Variants in MBD6 observed in about 807,000 individuals in gnomAD.
The protein encoded by MBD6 is methyl-CpG-binding domain protein 6.
In MBD6, 22 loss-of-function variants were observed where a neutral mutation model predicts 66.8. That is an observed-to-expected ratio of 0.33 (90% CI 0.24 to 0.47). MBD6 has a LOEUF of 0.47. Among genes scored for constraint, MBD6 ranks in the 20% least tolerant of loss-of-function variants. MBD6 has a pLI of 1.00. For synonymous variants in MBD6, 540 were observed against 534.6 expected, an observed-to-expected ratio of 1.01 and a Z score of -0.14; for missense variants, 1,322 against 1,286.9, an observed-to-expected ratio of 1.03 and a Z score of -0.42.
Position 57,529,182 on chromosome 12 carries a change from G to T in MBD6, c.2960G>T (p.Arg987Leu), listed in dbSNP as rs368292540. 1 of 1,613,986 alleles carries T rather than the reference G, an allele frequency of 6.2e-7. No homozygotes were observed. The highest frequency in any genetic ancestry group is 1.7e-5 in the Admixed American group (1 of 60,000). Reference protein sequence around the residue: ...TARAAVPLPPRARPGRPAKNK... With the variant: ...TARAAVPLPPLARPGRPAKNK... ...TAGGCAGCTGTCCCTCTGCCTCCCC[G>T]GGCCCGCCCTGGCCGTCCTGCCAAA... is the stretch of plus-strand genomic sequence containing the variant. The change falls in exon 13 of 13, where the codon CGG (arginine) becomes CTG (leucine). Residue 987 changes from arginine to leucine, a missense_variant. Physicochemically the swap from Arg to Leu is moderately radical, Grantham distance 102 (BLOSUM62 -2). Transcript: ENST00000355673.
chr12:57,531,114 T>G (rs1306159632), downstream of MBD6, among the ~76,000 whole-genome samples: 1 of 152,214 alleles, frequency 6.6e-6, no homozygotes, highest in African/African-American at 2.4e-5. Flanking sequence ...AGGAAAAGGA[T>G]ATTATTCTAA....
At chr12:57,529,136 T>C (rs1202760076) in intron 12 of MBD6, 24 bp from the exon 13 acceptor site, 1 of 1,614,012 alleles carries the variant, frequency 6.2e-7, no homozygotes. Context: ...TGACCACTTC[T>C]ATCAACTTCC....
At chr12:57,521,550 A>C (rs1025007516), upstream of MBD6, 7 of 152,218 alleles carry the variant, frequency 4.6e-5, no homozygotes, top group African/African-American at 1.7e-4. Flanking sequence ...GGGCCGAGGT[A>C]CTGGAATCCC....
chr12:57,529,348 A>C lies in MBD6; in HGVS notation c.*114A>C. The C allele has an allele frequency of 1.0e-6, 1 of 976,352 alleles. No homozygotes were observed. 60.5% of individuals were successfully genotyped at this position (976,352 alleles called of 1,614,324 possible). ...ACAGTGGGTGGGGGCACTACTCCCC[A>C]CTCAGAGCACAAATGCAACTCCTTC... On this transcript the variant is annotated 3_prime_UTR_variant, in exon 13 of 13. Coordinates refer to ENST00000355673, the MANE Select transcript of MBD6 (RefSeq NM_052897.4).
At chr12:57,530,718 C>T (rs751177004), downstream of MBD6, 1 of 1,613,984 alleles carries the variant, frequency 6.2e-7, no homozygotes, top group South Asian at 1.1e-5. Context: ...ATCCGTTCAT[C>T]AATGCTGGCA....
chr12:57,527,979 G>A lies in MBD6; in HGVS notation c.2368G>A (p.Ala790Thr), dbSNP rs144856634. ...GGGAGCTCCTCCACCCCTCTCAGAGGCTTCTAGTCCCCTAGCCTGCCTGCT... is the reference window on the plus strand; with the variant it reads ...GGGAGCTCCTCCACCCCTCTCAGAGACTTCTAGTCCCCTAGCCTGCCTGCT... ...GGGAPPPLSEASSPLACLLQS... is the reference protein window; with the variant it reads ...GGGAPPPLSETSSPLACLLQS... The change falls in exon 9 of 13, where the codon GCT becomes ACT. Residue 790 changes from alanine to threonine, a missense_variant. Coordinates refer to ENST00000355673, the MANE Select transcript of MBD6 (RefSeq NM_052897.4). 8.9e-6 allele frequency: 14 copies of A among 1,569,412 alleles called. No individual in the cohort carries two copies. The highest frequency in any genetic ancestry group is 5.9e-5 in the South Asian group (5 of 84,100).
upstream of MBD6, chr12:57,520,727 G>C (rs1488316646): frequency 9.9e-6 from 3 of 303,216 alleles, no homozygotes; most frequent in East Asian, 1.5e-4. Flanking sequence ...TTTGGGTCAC[G>C]AGGCTTCACG....
chr12:57,527,996 C>G lies in MBD6; in HGVS notation c.2385C>G (p.Ala795=), dbSNP rs780447457. 1.3e-6 allele frequency: 2 copies of G among 1,547,258 alleles called. No homozygotes were observed. Among genetic ancestry groups the G allele is most frequent in the Non-Finnish European group, 1.7e-6 (2 of 1,151,756 alleles). Reference sequence around the variant, plus strand: ...TCTCAGAGGCTTCTAGTCCCCTAGCCTGCCTGCTACAGAGTCTCCAGGTGA... The same window carrying G: ...TCTCAGAGGCTTCTAGTCCCCTAGCGTGCCTGCTACAGAGTCTCCAGGTGA... The part of the protein sequence containing the change: ...PPLSEASSPL[A]CLLQSLQIPP... The change falls in exon 9 of 13, where the codon GCC becomes GCG. Residue 795 remains alanine, a synonymous_variant. Coordinates refer to ENST00000355673, the MANE Select transcript of MBD6 (RefSeq NM_052897.4).
In MBD6 at chr12:57,525,196, G is replaced by A. The variant is rs183325579; in HGVS notation, c.379+81G>A. The A allele has an allele frequency of 1.7e-5, 26 of 1,544,370 alleles. No homozygotes were observed. In the African/African-American group the frequency reaches 2.8e-4, roughly 16 times the overall value. On this transcript the variant is annotated intron_variant, in intron 5 of 12. Coordinates refer to ENST00000355673, the MANE Select transcript of MBD6 (RefSeq NM_052897.4). ...TGGTGGTGGGAGGAGTTCCTTGAGA[G>A]GGAGCAAAGAGAAAGGGGAGTGGGT...
At position 57,528,385 on chromosome 12, in the gene MBD6, G is replaced by A. The variant is rs578198861; in HGVS notation, c.2645G>A (p.Ser882Asn). Reference protein sequence around the residue: ...ARPARGRKPGSRREPGRLALK... With the variant: ...ARPARGRKPGNRREPGRLALK... ...CCAGCCCGGGGCCGAAAGCCTGGCA[G>A]CCGGCGGGAGCCTGGCCGACTGGCC... Residue 882 changes from serine to asparagine, a missense_variant, in exon 10 of 13, where the codon AGC becomes AAC. Physicochemically the swap from Ser to Asn is conservative, Grantham distance 46. Coordinates refer to ENST00000355673, the MANE Select transcript of MBD6 (RefSeq NM_052897.4). 6.2e-7 allele frequency: 1 copy of A among 1,612,836 alleles called. No individual in the cohort carries two copies. The highest frequency in any genetic ancestry group is 2.2e-5 in the East Asian group (1 of 44,880).
rs202229102 is a variant in MBD6 at position 57,528,131 on chromosome 12, A to AT, written c.2407-9dup. ...GGTATTTGAGATTGACTGAGAACTTATTTTTTTGCCAGCAGATCCCTCCAG... is the reference window on the plus strand; with the variant it reads ...GGTATTTGAGATTGACTGAGAACTTATTTTTTTTGCCAGCAGATCCCTCCAG... On this transcript the variant is annotated splice_polypyrimidine_tract_variant and intron_variant, in intron 9 of 12. Coordinates refer to ENST00000355673, the MANE Select transcript of MBD6 (RefSeq NM_052897.4). 9.4e-4 allele frequency: 1,478 copies of AT among 1,570,964 alleles called. 15 individuals are homozygous for AT. In the African/African-American group the frequency reaches 0.018, roughly 19 times the overall value.
At chr12:57,527,712 A>G (rs1265054491) in intron 8 of MBD6, 52 bp downstream of exon 8, 3 of 1,557,262 alleles carry the variant, frequency 1.9e-6, no homozygotes, top group South Asian at 1.2e-5. Flanking sequence ...AAGCAGGAGT[A>G]AAACTTGGGA....
rs762575162 is a variant in MBD6, at chr12:57,525,740, C to T, written c.772C>T (p.Pro258Ser). 3.2e-5 allele frequency: 51 copies of T among 1,613,876 alleles called. No homozygotes were observed. The highest frequency in any genetic ancestry group is 2.2e-4 in the Admixed American group (13 of 59,992). ...TGCCTCCTCCTCACCACCTTCAGAC[C>T]CTCCTCTCTTCCACTGTAGTGATGC... ...PHASSSPPSD[P>S]PLFHCSDALT... The change falls in exon 6 of 13, where the codon CCT becomes TCT. Residue 258 changes from proline (P) to serine (S), a missense_variant. By Grantham distance (74) the Pro-to-Ser change is moderately conservative. Transcript: ENST00000355673.
intron 7 of MBD6, 82 bp from the exon 8 acceptor site, chr12:57,527,425 A>G: frequency 6.6e-7 from 1 of 1,511,368 alleles, no homozygotes; most frequent in South Asian, 1.1e-5. Context: ...TTGAGGCTTC[A>G]GTCAGATAGT....
rs764642015 is a variant in MBD6 at position 57,525,733 on chromosome 12, T to C, written c.765T>C (p.Pro255=). The change falls in exon 6 of 13, where the codon CCT becomes CCC. Residue 255 remains proline, a synonymous_variant. Coordinates refer to ENST00000355673, the MANE Select transcript of MBD6 (RefSeq NM_052897.4). ...CCCCTCATGCCTCCTCCTCACCACC[T>C]TCAGACCCTCCTCTCTTCCACTGTA... ...PPAPHASSSP[P]SDPPLFHCSD... The C allele has an allele frequency of 6.2e-7, 1 of 1,613,892 alleles. No individual in the cohort carries two copies. Among genetic ancestry groups the C allele is most frequent in the East Asian group, 2.2e-5 (1 of 44,840 alleles).
In MBD6 at chr12:57,528,734, A is replaced by C; in HGVS notation, c.2873+16A>C. ...GAAAATACAAGTGAGTGTTGGGCCT[A>C]CTATAGTGCTGGCCTTTGCCTACTT... On this transcript the variant is annotated intron_variant, in intron 11 of 12. Coordinates refer to ENST00000355673, the MANE Select transcript of MBD6 (RefSeq NM_052897.4). 6.2e-7 allele frequency: 1 copy of C among 1,614,134 alleles called. No individual in the cohort carries two copies. Among genetic ancestry groups the C allele is most frequent in the Non-Finnish European group, 8.5e-7 (1 of 1,179,988 alleles).
intron 12 of MBD6, 37 bp downstream of exon 12, chr12:57,529,046 G>C (rs367618549): frequency 1.2e-6 from 2 of 1,613,784 alleles, no homozygotes; most frequent in African/African-American, 2.7e-5. Flanking sequence ...GGATGGGTAG[G>C]GTGTAAGGGA....
intron 3 of MBD6, 128 bp downstream of exon 3, chr12:57,524,544 C>T: frequency 4.6e-6 from 5 of 1,086,586 alleles, no homozygotes; most frequent in South Asian, 1.3e-5. Context: ...CTTCCTCAGC[C>T]TTTTTGCTTT....
Position 57,524,265 on chromosome 12 carries a change from T to TAG in MBD6, c.-24-15_-24-14insAG. 1 of 1,439,628 alleles carries TAG rather than the reference T, an allele frequency of 6.9e-7. No individual in the cohort carries two copies. Among genetic ancestry groups the TAG allele is most frequent in the Non-Finnish European group, 9.4e-7 (1 of 1,061,494 alleles). 89.2% of individuals were successfully genotyped at this position (1,439,628 alleles called of 1,614,324 possible). A position where few individuals can be genotyped will look rare whatever the true frequency, so the allele number is the denominator to read the frequency against. On this transcript the variant is annotated splice_polypyrimidine_tract_variant and intron_variant, in intron 2 of 12. Transcript: ENST00000355673. The stretch of plus-strand genomic sequence containing the variant: ...TTAATCCTCCTAGTGCCTACATGGA[T>TAG]GTCTGTGTTATCAGGCACGCGGGAG...
Sources: gnomAD v4.1 joint callset for allele counts (sites outside exome capture counted in the v4.1 genomes callset) on GRCh38, gnomAD v4.1.1 for gene constraint, MANE v1.5 for transcripts, NCBI Gene and HGNC (gene_info 2026-07-23, HGNC 2026-07-21) for gene names.